Variants in SCAI observed in about 807,000 individuals in gnomAD.
The protein encoded by SCAI is protein SCAI.
Under a neutral mutation model 92.2 loss-of-function variants are expected in SCAI, and 24 were observed. The ratio of observed to expected loss-of-function variants is 0.26; its 90% CI spans 0.19 to 0.37. The LOEUF is 0.37. SCAI is among the 10% of genes least tolerant of loss of function. SCAI has a pLI of 1.00. For synonymous variants in SCAI, 261 were observed against 258.6 expected (o/e 1.01, Z -0.09); for missense variants, 450 against 736.2 (o/e 0.61, Z 4.50).
At chr9:125,136,011 A>C (rs1305255847) in intron 2 of SCAI, among the ~76,000 whole-genome samples, 1 of 151,716 alleles carries the variant, frequency 6.6e-6, no homozygotes, top group Non-Finnish European at 1.5e-5. Flanking sequence ...AATTCTGTCA[A>C]CTGTTTTCTA....
chr9:125,134,209 G>C (rs371487949), intron 2 of SCAI, among the ~76,000 whole-genome samples: 2 of 152,168 alleles, frequency 1.3e-5, no homozygotes, highest in South Asian at 2.1e-4. Flanking sequence ...TCAGGGCTTA[G>C]ATAAATGACT....
chr9:125,123,810 A>G (rs1835208131), intron 2 of SCAI, among the ~76,000 whole-genome samples: 1 of 152,170 alleles, frequency 6.6e-6, no homozygotes, highest in African/African-American at 2.4e-5. Context: ...CAAAAGTCCT[A>G]ACTGCCACTT....
At chr9:125,084,510 G>A (rs555435083) in intron 2 of SCAI, among the ~76,000 whole-genome samples, 43 of 152,166 alleles carry the variant, frequency 2.8e-4, no homozygotes, top group African/African-American at 1.0e-3. Context: ...AGGCCAAGCA[G>A]AGACAACAAT....
At chr9:124,973,193 T>A (rs1831692379) in intron 15 of SCAI, among the ~76,000 whole-genome samples, 1 of 152,264 alleles carries the variant, frequency 6.6e-6, no homozygotes, top group Non-Finnish European at 1.5e-5. Flanking sequence ...AACCTTGTGC[T>A]AAGTACTGAT....
intron 3 of SCAI, among the ~76,000 whole-genome samples, chr9:125,034,442 A>G (rs542303749): frequency 2.1e-4 from 32 of 152,198 alleles, no homozygotes; most frequent in Non-Finnish European, 4.6e-4. Flanking sequence ...AGAGGTTACA[A>G]AAGAAAAACA....
intron 14 of SCAI, among the ~76,000 whole-genome samples, chr9:124,979,375 A>C (rs1831830674): frequency 1.3e-5 from 2 of 151,534 alleles, no homozygotes; most frequent in African/African-American, 4.8e-5. Flanking sequence ...GCCCATCTCT[A>C]CTAAAAATAC....
intron 15 of SCAI, among the ~76,000 whole-genome samples, 195 bp from the exon 16 acceptor site, chr9:124,972,039 G>C (rs1831670747): frequency 6.6e-6 from 1 of 152,152 alleles, no homozygotes; most frequent in African/African-American, 2.4e-5. Context: ...ACTTCAGAAA[G>C]AGCCTAGAAA....
intron 17 of SCAI, among the ~76,000 whole-genome samples, chr9:124,959,036 A>G (rs1831379156): frequency 6.6e-6 from 1 of 152,002 alleles, no homozygotes; most frequent in South Asian, 2.1e-4. Flanking sequence ...TTCAATTTGC[A>G]TTGAACTAAA....
chr9:125,055,433 AAC>A (rs1381048169), intron 3 of SCAI, among the ~76,000 whole-genome samples: 2 of 152,170 alleles, frequency 1.3e-5, no homozygotes, highest in African/African-American at 2.4e-5. Flanking sequence ...AGACAAAGGT[AAC>A]CATCATTACT....
rs1315988513 is a variant in SCAI at position 124,950,051 on chromosome 9, C to T, written c.*2756G>A. The stretch of plus-strand genomic sequence containing the variant: ...TCTAAGACCCTCATTTTTAGACAAG[C>T]ATGTTTCTAATCATAAAAGCTCTAA... On this transcript the variant is annotated 3_prime_UTR_variant, in exon 18 of 18. Transcript: ENST00000336505. 2 of 152,132 alleles carry T rather than the reference C, an allele frequency of 1.3e-5. No individual in the cohort carries two copies. Among genetic ancestry groups the T allele is most frequent in the Admixed American group, 1.3e-4 (2 of 15,272 alleles). 9.4% of individuals were successfully genotyped at this position (152,132 alleles called of 1,614,324 possible). A position where few individuals can be genotyped will look rare whatever the true frequency, so the allele number is the denominator to read the frequency against.
rs1831750367 is a variant in SCAI, at chr9:124,976,167, C to T, written c.1346G>A (p.Gly449Glu). Reference protein sequence around the residue: ...VAYKNFTNLFGQPLVCLLSPT... With the variant: ...VAYKNFTNLFEQPLVCLLSPT... ...AGAAAGCAAGCAGACTAGTGGCTGT[C>T]CAAACAAGTTTGTGAAATTCTGTAA... Residue 449 changes from glycine to glutamate, a missense_variant, in exon 15 of 18, where the codon GGA becomes GAA. Physicochemically the swap from Gly to Glu is moderately conservative, Grantham distance 98. Transcript: ENST00000336505. The T allele has an allele frequency of 6.2e-7, 1 of 1,611,334 alleles. No homozygotes were observed. The highest frequency in any genetic ancestry group is 8.5e-7 in the Non-Finnish European group (1 of 1,177,710).
intron 9 of SCAI, among the ~76,000 whole-genome samples, chr9:125,012,614 G>C (rs1224071325): frequency 6.6e-6 from 1 of 151,928 alleles, no homozygotes; most frequent in Non-Finnish European, 1.5e-5. Flanking sequence ...ACATTAGACA[G>C]ATCAACGAGA....
At chr9:124,962,866 T>G (rs1428943442) in intron 17 of SCAI, among the ~76,000 whole-genome samples, 1 of 151,884 alleles carries the variant, frequency 6.6e-6, no homozygotes, top group Non-Finnish European at 1.5e-5. Flanking sequence ...TCGCGCGATC[T>G]TGGCTCACTG....
In SCAI at chr9:125,002,027, C is replaced by T; in HGVS notation, c.1082G>A (p.Ser361Asn). 6.2e-7 allele frequency: 1 copy of T among 1,612,958 alleles called. No homozygotes were observed. Among genetic ancestry groups the T allele is most frequent in the Non-Finnish European group, 8.5e-7 (1 of 1,178,932 alleles). ...AASFKELPAN[S>N]VLLIYLSATG... ...GGCCGACAGGTAAATCAGAAGCACG[C>T]TATTGGCAGGCAGCTCCTGAAATGA... The change falls in exon 12 of 18, where the codon AGC (serine) becomes AAC (asparagine). Residue 361 changes from serine (S) to asparagine (N), a missense_variant. Ser to Asn is a conservative substitution (Grantham distance 46). Around this residue, in one of 3 missense-constraint regions of SCAI, gnomAD observed 360 missense variants for 601.8 expected, o/e 0.60. Transcript: ENST00000336505.
chr9:125,040,939 G>A (rs1833308375), intron 3 of SCAI, among the ~76,000 whole-genome samples: 1 of 151,924 alleles, frequency 6.6e-6, no homozygotes, highest in Non-Finnish European at 1.5e-5. Context: ...CGGCCTCCCT[G>A]TTTTAAAAAT....
intron 3 of SCAI, among the ~76,000 whole-genome samples, chr9:125,050,330 T>G (rs1247882674): frequency 6.6e-6 from 1 of 152,110 alleles, no homozygotes; most frequent in African/African-American, 2.4e-5. Flanking sequence ...TATTCCAAAA[T>G]AAATCTTGTC....
intron 14 of SCAI, among the ~76,000 whole-genome samples, chr9:124,984,518 G>T (rs1033589520): frequency 5.9e-5 from 9 of 152,144 alleles, no homozygotes; most frequent in Non-Finnish European, 1.2e-4. Flanking sequence ...ATAGGATCTT[G>T]GATATACATA....
At position 124,951,485 on chromosome 9, in the gene SCAI, A is replaced by G. The variant is rs947500883; in HGVS notation, c.*1322T>C. 3 of 152,216 alleles carry G rather than the reference A, an allele frequency of 2.0e-5. No individual in the cohort carries two copies. The highest frequency in any genetic ancestry group is 2.0e-4 in the Admixed American group (3 of 15,276). 9.4% of individuals were successfully genotyped at this position (152,216 alleles called of 1,614,324 possible). ...GCCCCACTGCACTCCAACCTGGGCA[A>G]CAAAAGCAAGACTCTGTTTCAAAAA... On this transcript the variant is annotated 3_prime_UTR_variant, in exon 18 of 18. Coordinates refer to ENST00000336505, the MANE Select transcript of SCAI (RefSeq NM_001144877.3).
At chr9:125,058,975 A>T (rs1833723767) in intron 2 of SCAI, among the ~76,000 whole-genome samples, 2 of 152,220 alleles carry the variant, frequency 1.3e-5, no homozygotes, top group African/African-American at 4.8e-5. Flanking sequence ...CAAAATAAGA[A>T]ATCATGAATC....
Sources: allele counts gnomAD v4.1 joint callset (sites outside exome capture counted in the v4.1 genomes callset), GRCh38; gene constraint gnomAD v4.1.1; regional missense constraint gnomAD v4.1.1; transcripts MANE v1.5; gene names NCBI Gene and HGNC (gene_info 2026-07-23, HGNC 2026-07-21).